The following PCM1 variants were observed in gnomAD, a reference collection of about 807,000 sequenced individuals.
PCM1 encodes pericentriolar material 1.
In PCM1, 157 loss-of-function variants were observed where a neutral mutation model predicts 241.9. That is an observed-to-expected ratio of 0.65 (90% CI 0.57 to 0.74). PCM1 has a LOEUF of 0.74. Ranked by LOEUF, PCM1 falls within the 30% of genes least tolerant of loss-of-function variation. The pLI is 0.00. For missense variants in PCM1, 3,478 were observed against 2,360.1 expected, an observed-to-expected ratio of 1.47 and a Z score of -9.81; for synonymous variants, 1,085 against 784.9, an observed-to-expected ratio of 1.38 and a Z score of -6.39.
chr8:17,960,226 G>A, intron 14 of PCM1, 61 bp downstream of exon 14: 1 of 1,553,394 alleles, frequency 6.4e-7, no homozygotes, highest in Non-Finnish European at 8.7e-7. Flanking sequence ...TTTTGGAGAA[G>A]GTGCTCAGCT....
intron 26 of PCM1, among the ~76,000 whole-genome samples, chr8:17,986,580 C>A (rs1346751743): frequency 6.6e-6 from 1 of 151,004 alleles, no homozygotes; most frequent in Non-Finnish European, 1.5e-5. Context: ...TAAAAAGGAC[C>A]TGGAAATGGA....
chr8:17,939,166 T>G (rs1585987730), intron 5 of PCM1, 157 bp downstream of exon 5: 2 of 671,478 alleles, frequency 3.0e-6, no homozygotes, highest in East Asian at 2.8e-5. Context: ...TTACTTAAAA[T>G]AGAGTAAATT....
intron 2 of PCM1, among the ~76,000 whole-genome samples, chr8:17,931,111 A>G (rs1218797055): frequency 1.3e-5 from 2 of 152,184 alleles, no homozygotes; most frequent in African/African-American, 4.8e-5. Context: ...AAAATACTAA[A>G]AAAATCATCT....
intron 6 of PCM1, among the ~76,000 whole-genome samples, chr8:17,945,257 A>C (rs2063387211): frequency 6.6e-6 from 1 of 152,170 alleles, no homozygotes; most frequent in Non-Finnish European, 1.5e-5. Flanking sequence ...TTCCACGGAA[A>C]TGGATGTAAA....
At chr8:18,022,364 CAG>C (rs751459000) in intron 36 of PCM1, among the ~76,000 whole-genome samples, 27 of 152,194 alleles carry the variant, frequency 1.8e-4, no homozygotes, top group Non-Finnish European at 3.5e-4. Context: ...CCTACTCAAA[CAG>C]AATATCCTCT....
chr8:18,023,417 A>ATAT (rs1256968733), intron 36 of PCM1, among the ~76,000 whole-genome samples: 1 of 152,036 alleles, frequency 6.6e-6, no homozygotes, highest in Non-Finnish European at 1.5e-5. Flanking sequence ...TGGCTTATGG[A>ATAT]TATTTCAGCA....
intron 9 of PCM1, among the ~76,000 whole-genome samples, chr8:17,953,580 G>T (rs1339041895): frequency 6.6e-6 from 1 of 152,004 alleles, no homozygotes; most frequent in Non-Finnish European, 1.5e-5. Context: ...GAAACATAGT[G>T]TGTATTAAAA....
chr8:17,992,025 C>G (rs947862073), intron 28 of PCM1, among the ~76,000 whole-genome samples: 7 of 152,196 alleles, frequency 4.6e-5, no homozygotes, highest in African/African-American at 1.7e-4. Flanking sequence ...GCTGCAAATG[C>G]CATTACTTTG....
At chr8:18,005,480 G>A (rs1170932185) in intron 29 of PCM1, among the ~76,000 whole-genome samples, 3 of 151,824 alleles carry the variant, frequency 2.0e-5, no homozygotes, top group Non-Finnish European at 1.5e-5. Flanking sequence ...ATTGGTGGGG[G>A]GGACTGAACT....
At chr8:17,977,940 A>G (rs963817271) in intron 23 of PCM1, among the ~76,000 whole-genome samples, 4 of 152,220 alleles carry the variant, frequency 2.6e-5, no homozygotes, top group African/African-American at 9.6e-5. Flanking sequence ...AACAGTGCAT[A>G]TAAAAGGGAC....
intron 36 of PCM1, among the ~76,000 whole-genome samples, chr8:18,018,506 C>G (rs2093434961): frequency 6.6e-6 from 1 of 152,178 alleles, no homozygotes; most frequent in Non-Finnish European, 1.5e-5. Flanking sequence ...ATTCCTTGTA[C>G]TTGTCTCTAT....
intron 23 of PCM1, 45 bp from the exon 24 acceptor site, chr8:17,980,546 T>C (rs2080353977): frequency 2.7e-6 from 4 of 1,506,238 alleles, no homozygotes; most frequent in Non-Finnish European, 3.6e-6. Flanking sequence ...CCTTTTAGTT[T>C]GAGTTAGTTG....
chr8:17,952,878 C>G, intron 8 of PCM1, 92 bp from the exon 9 acceptor site: 1 of 781,574 alleles, frequency 1.3e-6, no homozygotes, highest in Non-Finnish European at 2.0e-6. Context: ...ATTTCTTTCT[C>G]TTTATAAAGA....
At chr8:17,985,738 T>C in intron 25 of PCM1, 119 bp downstream of exon 25, 1 of 842,282 alleles carries the variant, frequency 1.2e-6, no homozygotes, top group Non-Finnish European at 1.8e-6. Context: ...CTCTATGTGC[T>C]TTCTTGACAT....
intron 9 of PCM1, among the ~76,000 whole-genome samples, chr8:17,954,518 A>G (rs1350264570): frequency 1.3e-5 from 2 of 152,060 alleles, no homozygotes; most frequent in Non-Finnish European, 2.9e-5. Flanking sequence ...ATAAAGTAGC[A>G]CTCCGTATAC....
At chr8:17,954,969 T>G (rs1476680315) in intron 9 of PCM1, among the ~76,000 whole-genome samples, 4 of 152,132 alleles carry the variant, frequency 2.6e-5, no homozygotes, top group African/African-American at 9.7e-5. Context: ...GGTGTCCAGA[T>G]GTGACATCCC....
intron 29 of PCM1, among the ~76,000 whole-genome samples, 166 bp downstream of exon 29, chr8:17,993,785 T>G (rs2085624152): frequency 6.6e-6 from 1 of 152,232 alleles, no homozygotes; most frequent in South Asian, 2.1e-4. Context: ...CTTTCAGTAA[T>G]ATTTTATACA....
At chr8:17,946,873 C>T (rs1348070347) in intron 6 of PCM1, among the ~76,000 whole-genome samples, 3 of 117,024 alleles carry the variant, frequency 2.6e-5, no homozygotes, top group Admixed American at 1.6e-4. Context: ...GTGTGTGTGT[C>T]CATGTGTCCG....
At chr8:17,970,368 G>A (rs1229283220) in intron 22 of PCM1, among the ~76,000 whole-genome samples, 1 of 151,434 alleles carries the variant, frequency 6.6e-6, no homozygotes, top group Non-Finnish European at 1.5e-5. Flanking sequence ...TATGTGATTA[G>A]GAAGGTCTCA....
Sources: gnomAD v4.1 joint callset for allele counts (sites outside exome capture counted in the v4.1 genomes callset) on GRCh38, gnomAD v4.1.1 for gene constraint, MANE v1.5 for transcripts, NCBI Gene and HGNC (gene_info 2026-07-23, HGNC 2026-07-21) for gene names.